Variants in CDK6 observed in about 807,000 individuals in gnomAD.
The protein encoded by CDK6 is cyclin-dependent kinase 6.
In CDK6, 6 loss-of-function variants were observed where a neutral mutation model predicts 37.1. The ratio of observed to expected loss-of-function variants is 0.16; its 90% confidence interval spans 0.09 to 0.32. The LOEUF (loss-of-function observed/expected upper bound fraction) is 0.32, where lower values mean the gene tolerates loss of function less well. CDK6 is among the 10% of genes least tolerant of loss of function. The pLI is 1.00. For synonymous variants in CDK6, 160 were observed against 161.3 expected, an observed-to-expected ratio of 0.99 and a Z score of 0.06; for missense variants, 224 against 418.9, an observed-to-expected ratio of 0.53 and a Z score of 4.06.
intron 5 of CDK6, among the ~76,000 whole-genome samples, chr7:92,663,193 G>C (rs931671566): frequency 1.3e-5 from 2 of 152,072 alleles, no homozygotes; most frequent in Non-Finnish European, 2.9e-5. Flanking sequence ...ATATGTGATA[G>C]AATGGTTAGA....
intron 2 of CDK6, among the ~76,000 whole-genome samples, chr7:92,818,083 G>A (rs571650588): frequency 4.6e-5 from 7 of 152,008 alleles, no homozygotes; most frequent in South Asian, 2.1e-4. Context: ...CCCAATAGGA[G>A]AATTTTTGTG....
intron 4 of CDK6, among the ~76,000 whole-genome samples, chr7:92,675,195 T>C (rs934694175): frequency 6.6e-6 from 1 of 152,228 alleles, no homozygotes; most frequent in African/African-American, 2.4e-5. Flanking sequence ...ACTGTCTTCA[T>C]TTTCAATACT....
chr7:92,758,349 A>G (rs1170346219), intron 3 of CDK6, among the ~76,000 whole-genome samples: 3 of 152,206 alleles, frequency 2.0e-5, no homozygotes, highest in Non-Finnish European at 4.4e-5. Flanking sequence ...TCTTCTGCAT[A>G]TGGCTAGCCA....
intron 2 of CDK6, among the ~76,000 whole-genome samples, chr7:92,809,006 T>C (rs1406908078): frequency 2.0e-5 from 3 of 152,166 alleles, no homozygotes; most frequent in Non-Finnish European, 4.4e-5. Context: ...TGAAAACACA[T>C]AAACACATTT....
At chr7:92,731,341 C>A (rs191842431) in intron 3 of CDK6, among the ~76,000 whole-genome samples, 1 of 152,296 alleles carries the variant, frequency 6.6e-6, no homozygotes, top group Non-Finnish European at 1.5e-5. Flanking sequence ...GAGGAGGGTT[C>A]AAGAGGATTC....
chr7:92,709,339 C>T (rs953177262), intron 4 of CDK6, among the ~76,000 whole-genome samples: 2 of 152,074 alleles, frequency 1.3e-5, no homozygotes, highest in African/African-American at 2.4e-5. Context: ...TGTTTCTCAA[C>T]CCCATACCTA....
intron 6 of CDK6, among the ~76,000 whole-genome samples, chr7:92,620,772 G>C (rs1371383718): frequency 6.6e-6 from 1 of 152,076 alleles, no homozygotes; most frequent in African/African-American, 2.4e-5. Flanking sequence ...GCTGGTTGTG[G>C]TGCCCTGTGC....
intron 4 of CDK6, among the ~76,000 whole-genome samples, chr7:92,685,035 C>G (rs779974006): frequency 2.6e-5 from 4 of 152,140 alleles, no homozygotes; most frequent in Non-Finnish European, 4.4e-5. Flanking sequence ...TTTTATAACA[C>G]AGTTTTGCTG....
chr7:92,707,685 C>T (rs142929132), intron 4 of CDK6, among the ~76,000 whole-genome samples: 87 of 152,334 alleles, frequency 5.7e-4, no homozygotes, highest in African/African-American at 1.9e-3. Flanking sequence ...ATATAGAAAA[C>T]GTGCGTGCAT....
chr7:92,758,054 T>A (rs1440842572), intron 3 of CDK6, among the ~76,000 whole-genome samples: 1 of 152,254 alleles, frequency 6.6e-6, no homozygotes, highest in African/African-American at 2.4e-5. Context: ...TATACCTTTG[T>A]CAGATGCACA....
chr7:92,820,345 A>C (rs1184118532), intron 2 of CDK6, among the ~76,000 whole-genome samples: 1 of 152,142 alleles, frequency 6.6e-6, no homozygotes, highest in African/African-American at 2.4e-5. Context: ...TAAGGGCTGA[A>C]TATTTGGCCT....
intron 2 of CDK6, among the ~76,000 whole-genome samples, chr7:92,775,184 TTC>T (rs1222941906): frequency 6.6e-6 from 1 of 152,206 alleles, no homozygotes; most frequent in Non-Finnish European, 1.5e-5. Flanking sequence ...CAAAATATGT[TTC>T]TTCTTAGCTC....
chr7:92,806,446 T>C (rs1285702041), intron 2 of CDK6, among the ~76,000 whole-genome samples: 1 of 152,204 alleles, frequency 6.6e-6, no homozygotes. Flanking sequence ...TATTAGCATC[T>C]TTATAAAACG....
intron 4 of CDK6, among the ~76,000 whole-genome samples, chr7:92,713,254 C>T (rs1326595929): frequency 1.3e-5 from 2 of 152,094 alleles, no homozygotes; most frequent in Non-Finnish European, 2.9e-5. Flanking sequence ...AGTGGCCAGA[C>T]AGTATAAGTA....
intron 5 of CDK6, among the ~76,000 whole-genome samples, chr7:92,658,335 T>G (rs2116574457): frequency 6.6e-6 from 1 of 152,306 alleles, no homozygotes; most frequent in Non-Finnish European, 1.5e-5. Context: ...CAGTAAATAT[T>G]GTTTGTATTT....
chr7:92,825,444 C>T (rs1264841417), intron 2 of CDK6, among the ~76,000 whole-genome samples: 1 of 151,716 alleles, frequency 6.6e-6, no homozygotes, highest in East Asian at 1.9e-4. Context: ...CTCCACTGTT[C>T]TGCATGCACA....
chr7:92,802,428 T>A (rs1800604248), intron 2 of CDK6, among the ~76,000 whole-genome samples: 1 of 152,154 alleles, frequency 6.6e-6, no homozygotes, highest in South Asian at 2.1e-4. Context: ...GAAATTCCAA[T>A]ACATCCTTCT....
intron 7 of CDK6, among the ~76,000 whole-genome samples, chr7:92,616,476 C>T (rs1004336311): frequency 2.0e-5 from 3 of 152,170 alleles, no homozygotes; most frequent in Non-Finnish European, 4.4e-5. Flanking sequence ...ATCTTCTGAA[C>T]ATCAAGAGCT....
rs142097140 is a variant in CDK6 at position 92,735,996 on chromosome 7, G to A, written c.370-10203C>T. 3.2e-3 allele frequency among the ~76,000 whole-genome samples: 487 copies of A among 152,196 alleles called. 5 individuals are homozygous for A. The highest frequency in any genetic ancestry group is 0.011 in the African/African-American group (455 of 41,526). Reference sequence around the variant, plus strand: ...GAGATGTAAATTTCCATTTTTGAAGGCAGTATGATTTAAAAGAAAGAGCAC... The same window carrying A: ...GAGATGTAAATTTCCATTTTTGAAGACAGTATGATTTAAAAGAAAGAGCAC... On this transcript the variant is annotated intron_variant, in intron 3 of 7. Coordinates refer to ENST00000424848, the MANE Select transcript of CDK6 (RefSeq NM_001145306.2).
Sources: gnomAD v4.1 joint callset for allele counts (sites outside exome capture counted in the v4.1 genomes callset) on GRCh38, gnomAD v4.1.1 for gene constraint, MANE v1.5 for transcripts, NCBI Gene and HGNC (gene_info 2026-07-23, HGNC 2026-07-21) for gene names.